The following CRYBG1 variants were observed in gnomAD, a reference collection of about 807,000 sequenced individuals.
CRYBG1 encodes the protein beta/gamma crystallin domain-containing protein 1.
In CRYBG1, 139 loss-of-function variants were observed where a neutral mutation model predicts 189.2. The ratio of observed to expected loss-of-function variants is 0.73; its 90% CI spans 0.64 to 0.85. The LOEUF is 0.85. Among genes scored for constraint, CRYBG1 ranks in the 40% least tolerant of loss-of-function variants. CRYBG1 has a pLI of 0.00. For synonymous variants in CRYBG1, 1,023 were observed against 1,017.1 expected (o/e 1.01, Z -0.11); for missense variants, 2,611 against 2,675.8 (o/e 0.98, Z 0.53).
In CRYBG1 at chr6:106,500,547, T is replaced by G. The variant is rs1035148280; in HGVS notation, c.313-10883T>G. ...TTGCTGTTGAGATGTCTGAATTCCT[T>G]GTATATTTTGGATATTAATCCCTTA... On this transcript the variant is annotated intron_variant, in intron 2 of 21. Coordinates refer to ENST00000633556, the MANE Select transcript of CRYBG1 (RefSeq NM_001371242.2). Among the ~76,000 whole-genome samples the G allele has an allele frequency of 2.0e-5, 3 of 152,324 alleles. No individual in the cohort carries two copies. In the South Asian group the frequency reaches 6.2e-4, roughly 32 times the overall value.
chr6:106,563,209 G>A (rs1050701789), intron 20 of CRYBG1, among the ~76,000 whole-genome samples: 1 of 152,186 alleles, frequency 6.6e-6, no homozygotes, highest in Non-Finnish European at 1.5e-5. Context: ...ACCCTCTAGT[G>A]AGTCTGCATT....
chr6:106,414,958 G>A (rs1438718960), intron 1 of CRYBG1, among the ~76,000 whole-genome samples: 1 of 152,148 alleles, frequency 6.6e-6, no homozygotes, highest in Non-Finnish European at 1.5e-5. Flanking sequence ...CAGAACAAAA[G>A]AAATAATACA....
At position 106,521,329 on chromosome 6, in the gene CRYBG1, A is replaced by G. The variant is rs201797268; in HGVS notation, c.4121A>G (p.Glu1374Gly). 2,237 of 1,614,176 alleles carry G rather than the reference A, an allele frequency of 1.4e-3. 43 individuals are homozygous for G. In the South Asian group the frequency reaches 0.023, roughly 17 times the overall value. The change falls in exon 4 of 22, where the codon GAA becomes GGA. Residue 1374 changes from glutamate to glycine, a missense_variant. Around this residue, in one of 3 missense-constraint regions of CRYBG1, gnomAD observed 1,622 missense variants for 1,735.0 expected, o/e 0.93. Coordinates refer to ENST00000633556, the MANE Select transcript of CRYBG1 (RefSeq NM_001371242.2). ...GATATGGAAAAGGCTAATCATATTG[A>G]AAGTGTTATTAAATCAAACTTGCCA... ...NDDMEKANHI[E>G]SVIKSNLPNC...
At chr6:106,415,680 C>G (rs1053635691) in intron 1 of CRYBG1, among the ~76,000 whole-genome samples, 9 of 151,838 alleles carry the variant, frequency 5.9e-5, no homozygotes, top group Admixed American at 5.9e-4. Flanking sequence ...GAGCCATGAT[C>G]ATACCACTGC....
At chr6:106,435,760 G>A (rs1014346119) in intron 1 of CRYBG1, among the ~76,000 whole-genome samples, 18 of 151,972 alleles carry the variant, frequency 1.2e-4, no homozygotes, top group Non-Finnish European at 2.2e-4. Context: ...ATTTTTCGTA[G>A]AAATGGGGTT....
rs1359371803 is a variant in CRYBG1 at position 106,512,416 on chromosome 6, G to A, written c.1299G>A (p.Ala433=). ...GSQKSTDSPG[A]DAELPESAAR... Reference sequence around the variant, plus strand: ...AGAAATCCACCGACTCCCCCGGCGCGGACGCCGAGCTCCCTGAGAGCGCTG... The same window carrying A: ...AGAAATCCACCGACTCCCCCGGCGCAGACGCCGAGCTCCCTGAGAGCGCTG... Residue 433 remains alanine (A), a synonymous_variant, in exon 3 of 22, where the codon GCG becomes GCA. Transcript: ENST00000633556. 3 of 1,608,466 alleles carry A rather than the reference G, an allele frequency of 1.9e-6. No individual in the cohort carries two copies. The highest frequency in any genetic ancestry group is 2.5e-6 in the Non-Finnish European group (3 of 1,178,202).
chr6:106,506,970 T>C (rs1381737373), intron 2 of CRYBG1, among the ~76,000 whole-genome samples: 1 of 152,212 alleles, frequency 6.6e-6, no homozygotes, highest in African/African-American at 2.4e-5. Flanking sequence ...AAAAAAACTC[T>C]ACCATTTACA....
chr6:106,463,301 A>T (rs1772051368), intron 2 of CRYBG1, among the ~76,000 whole-genome samples: 1 of 151,020 alleles, frequency 6.6e-6, no homozygotes, highest in African/African-American at 2.4e-5. Context: ...CATCACCACC[A>T]GCCTGAACTC....
chr6:106,561,239 C>T (rs1774708887), intron 19 of CRYBG1, 103 bp from the exon 20 acceptor site: 19 of 1,264,838 alleles, frequency 1.5e-5, no homozygotes, highest in Middle Eastern at 2.1e-4. Flanking sequence ...TGGTAATTAC[C>T]CTTAATCCAT....
chr6:106,422,344 A>ATTTATTTTTATTTTTT (rs57640822), intron 1 of CRYBG1, among the ~76,000 whole-genome samples: 1 of 139,928 alleles, frequency 7.1e-6, no homozygotes, highest in African/African-American at 2.7e-5. Context: ...TTATTTATTT[A>ATTTATTTTTATTTTTT]TTTTTGAGAC....
Position 106,512,660 on chromosome 6 carries a change from AG to A in CRYBG1, c.1545del (p.Lys516ArgfsTer107). On this transcript the variant is annotated frameshift_variant, in exon 3 of 22. Transcript: ENST00000633556. LOFTEE classifies it high-confidence loss of function. ...QPPPASSPTK[R>X]KGRSRALEAV... is the part of the protein sequence containing the mutation. Reference sequence around the variant, plus strand: ...ACCCCCGGCTTCGTCCCCCACGAAGAGGAAGGGCAGGAGCCGTGCCCTCGAG... The same window carrying A: ...ACCCCCGGCTTCGTCCCCCACGAAGAGAAGGGCAGGAGCCGTGCCCTCGAG... The A allele has an allele frequency of 1.3e-6, 2 of 1,576,708 alleles. No homozygotes were observed. Among genetic ancestry groups the A allele is most frequent in the Admixed American group, 1.9e-5 (1 of 54,006 alleles).
chr6:106,376,580 C>A (rs1221490433), intron 1 of CRYBG1, among the ~76,000 whole-genome samples: 2 of 152,044 alleles, frequency 1.3e-5, no homozygotes, highest in Non-Finnish European at 2.9e-5. Context: ...GGGTCAACCT[C>A]TTCTATAGCT....
chr6:106,551,964 C>A lies in CRYBG1; in HGVS notation c.5425C>A (p.Gln1809Lys). Residue 1809 changes from glutamine to lysine, a missense_variant, in exon 14 of 22, where the codon CAA (glutamine) becomes AAA (lysine). Gln to Lys is a moderately conservative substitution (Grantham distance 53). Around this residue, in one of 3 missense-constraint regions of CRYBG1, gnomAD observed 1,622 missense variants for 1,735.0 expected, o/e 0.93. Coordinates refer to ENST00000633556, the MANE Select transcript of CRYBG1 (RefSeq NM_001371242.2). Reference protein sequence around the residue: ...GGKNCKISSVQPICLDSFTGP... With the variant: ...GGKNCKISSVKPICLDSFTGP... The stretch of plus-strand genomic sequence containing the variant: ...CAAAAATTGTAAGATCTCTTCTGTT[C>A]AACCTATATGTTTGGTAAGGAGTTA... 6.2e-7 allele frequency: 1 copy of A among 1,605,608 alleles called. No individual in the cohort carries two copies.
intron 1 of CRYBG1, among the ~76,000 whole-genome samples, chr6:106,421,916 C>T (rs1771129742): frequency 1.3e-5 from 2 of 152,096 alleles, no homozygotes; most frequent in African/African-American, 4.8e-5. Context: ...AAGGAAACTC[C>T]CATTTTTAAA....
intron 1 of CRYBG1, among the ~76,000 whole-genome samples, chr6:106,424,410 A>C (rs778824037): frequency 6.6e-6 from 1 of 152,192 alleles, no homozygotes; most frequent in Admixed American, 6.5e-5. Context: ...TTCCCACTGC[A>C]TATGGCCTGG....
chr6:106,527,824 G>A (rs1562106046), intron 7 of CRYBG1, among the ~76,000 whole-genome samples: 1 of 152,048 alleles, frequency 6.6e-6, no homozygotes, highest in Admixed American at 6.5e-5. Flanking sequence ...ATTACTTTGA[G>A]TGGTTTATAG....
chr6:106,445,029 A>T (rs559272262), intron 1 of CRYBG1, among the ~76,000 whole-genome samples: 1 of 152,332 alleles, frequency 6.6e-6, no homozygotes, highest in African/African-American at 2.4e-5. Context: ...GTGCCCAGGA[A>T]GGTGAATGCA....
At chr6:106,420,442 A>T (rs919272907) in intron 1 of CRYBG1, among the ~76,000 whole-genome samples, 1 of 152,254 alleles carries the variant, frequency 6.6e-6, no homozygotes, top group Non-Finnish European at 1.5e-5. Flanking sequence ...TTTACATAAG[A>T]TAAACATGTG....
chr6:106,423,891 G>A (rs1582754457), intron 1 of CRYBG1, among the ~76,000 whole-genome samples: 2 of 151,688 alleles, frequency 1.3e-5, no homozygotes, highest in Non-Finnish European at 2.9e-5. Context: ...TTTTTGTAGA[G>A]ACGGGGCTTT....
Sources: allele counts gnomAD v4.1 joint callset (sites outside exome capture counted in the v4.1 genomes callset), GRCh38; gene constraint gnomAD v4.1.1; regional missense constraint gnomAD v4.1.1; transcripts MANE v1.5; gene names NCBI Gene and HGNC (gene_info 2026-07-23, HGNC 2026-07-21).